Variants in MUC5B observed in about 807,000 individuals in gnomAD.
MUC5B encodes mucin 5B, oligomeric mucus/gel-forming, also known as mucin-5B.
Under a neutral mutation model 376.9 loss-of-function variants are expected in MUC5B, and 116 were observed. The observed-to-expected ratio is 0.31, with a 90% CI of 0.26 to 0.36. The LOEUF is 0.36. MUC5B is among the 10% of genes least tolerant of loss of function. The pLI is 1.00. For synonymous variants in MUC5B, 3,517 were observed against 3,390.9 expected, an observed-to-expected ratio of 1.04 and a Z score of -1.29; for missense variants, 7,165 against 7,769.9, an observed-to-expected ratio of 0.92 and a Z score of 2.93.
Position 1,239,017 on chromosome 11 carries a change from G to C in MUC5B, c.3444G>C (p.Pro1148=), listed in dbSNP as rs113413987. The change falls in exon 26 of 49, where the codon CCG becomes CCC. Residue 1148 remains proline, a synonymous_variant. Coordinates refer to ENST00000529681, the MANE Select transcript of MUC5B (RefSeq NM_002458.3). ...GCCTGTGTGTGTCCTGGCGGACTCC[G>C]GACACCTGCCGTGAGTCGGGCTCTG... The part of the protein sequence containing the change: ...DAGLCVSWRT[P]DTCPLFCDFY... 5.7e-4 allele frequency: 901 copies of C among 1,571,224 alleles called. 14 individuals carry two copies. In the South Asian group the frequency reaches 9.8e-3, roughly 17 times the overall value.
rs1862526180 is a variant in MUC5B, at chr11:1,247,508, C to T, written c.10628C>T (p.Ala3543Val). 3.1e-6 allele frequency: 5 copies of T among 1,608,820 alleles called. 1 individual carries two copies. The African/African-American group carries it at 5.4e-5, about 17-fold the overall frequency. The change falls in exon 31 of 49, where the codon GCC (alanine) becomes GTC (valine). Residue 3543 changes from alanine (A) to valine (V), a missense_variant. Coordinates refer to ENST00000529681, the MANE Select transcript of MUC5B (RefSeq NM_002458.3). ...GGCACCTCCAGGACCACAGCCACAG[C>T]CACACCCAGCAAGACCCGCACCTCG... The part of the protein sequence containing the change: ...TRGTSRTTAT[A>V]TPSKTRTSTL...
Position 1,242,219 on chromosome 11 carries a change from G to A in MUC5B, c.5339G>A (p.Gly1780Asp). 1 of 1,613,728 alleles carries A rather than the reference G, an allele frequency of 6.2e-7. No homozygotes were observed. The highest frequency in any genetic ancestry group is 8.5e-7 in the Non-Finnish European group (1 of 1,179,880). ...TTGACTAACACCACCACCAGCCAGGGCACGACCCGCTGTCAACCGAAGTGT... is the reference window on the plus strand; with the variant it reads ...TTGACTAACACCACCACCAGCCAGGACACGACCCGCTGTCAACCGAAGTGT... ...SPLTNTTTSQ[G>D]TTRCQPKCEW... is the part of the protein sequence containing the mutation. Residue 1780 changes from glycine to aspartate, a missense_variant, in exon 31 of 49, where the codon GGC becomes GAC. By Grantham distance (94) the Gly-to-Asp change is moderately conservative. This residue lies in a region of MUC5B where 897 missense variants were observed against 779.6 expected (regional missense o/e 1.15). Transcript: ENST00000529681.
chr11:1,232,287 G>C, intron 15 of MUC5B, 127 bp downstream of exon 15: 1 of 1,362,834 alleles, frequency 7.3e-7, no homozygotes, highest in Non-Finnish European at 1.0e-6. Context: ...GGAGGCATCA[G>C]GAGGAGGTGC....
At chr11:1,232,906 C>T in intron 17 of MUC5B, 107 bp from the exon 18 acceptor site, 1 of 1,461,858 alleles carries the variant, frequency 6.8e-7, no homozygotes, top group Non-Finnish European at 9.0e-7. Context: ...GCAAGAACCT[C>T]ATGCCCTTGC....
In MUC5B at chr11:1,229,693, C is replaced by T. The variant is rs554624154; in HGVS notation, c.1106C>T (p.Thr369Met). 21 of 1,571,468 alleles carry T rather than the reference C, an allele frequency of 1.3e-5. No individual in the cohort carries two copies. Among genetic ancestry groups the T allele is most frequent in the Non-Finnish European group, 1.5e-5 (18 of 1,163,990 alleles). ...CVDGCFCPPGTVLDDITHSGC... is the reference protein window; with the variant it reads ...CVDGCFCPPGMVLDDITHSGC... ...TGCCTCACGCCGCGCCCCACAGGCA[C>T]GGTGCTGGATGACATCACGCACTCT... The change falls in exon 10 of 49, where the codon ACG (threonine) becomes ATG (methionine). Residue 369 changes from threonine to methionine, a missense_variant. By Grantham distance (81) the Thr-to-Met change is moderately conservative (BLOSUM62 -1). This residue lies in a region of MUC5B where 640 missense variants were observed against 733.0 expected (regional missense o/e 0.87). Coordinates refer to ENST00000529681, the MANE Select transcript of MUC5B (RefSeq NM_002458.3).
rs776430553 is a variant in MUC5B at position 1,241,053 on chromosome 11, G to A, written c.4173G>A (p.Glu1391=). ...RAAQLPDMPL[E]ELGQQVDCDR... ...CGCAGCTTCCCGACATGCCGCTGGA[G>A]GAGCTGGGCCAGCAGGTGGACTGTG... The change falls in exon 31 of 49, where the codon GAG becomes GAA. Residue 1391 remains glutamate (E), a synonymous_variant. Coordinates refer to ENST00000529681, the MANE Select transcript of MUC5B (RefSeq NM_002458.3). The A allele has an allele frequency of 1.2e-6, 2 of 1,612,632 alleles. No individual in the cohort carries two copies. Among genetic ancestry groups the A allele is most frequent in the Admixed American group, 1.7e-5 (1 of 60,010 alleles).
chr11:1,235,634 C>T (rs1862140267), intron 23 of MUC5B, among the ~76,000 whole-genome samples: 2 of 152,306 alleles, frequency 1.3e-5, no homozygotes, highest in African/African-American at 4.8e-5. Flanking sequence ...GGCCACACTC[C>T]CTGTCGAGGG....
chr11:1,256,700 C>A lies in MUC5B; in HGVS notation c.16166C>A (p.Ala5389Glu), dbSNP rs182663240. 1 of 1,568,330 alleles carries A rather than the reference C, an allele frequency of 6.4e-7. No homozygotes were observed. The highest frequency in any genetic ancestry group is 8.6e-7 in the Non-Finnish European group (1 of 1,158,442). ...CAGAGCCCACAGCTGGAGGGGATGG[C>A]GGAGGGCTGCTTCTGCCCTGAGGAC... ...RNQSPQLEGM[A>E]EGCFCPEDQI... The change falls in exon 39 of 49, where the codon GCG becomes GAG. Residue 5389 changes from alanine to glutamate, a missense_variant. Coordinates refer to ENST00000529681, the MANE Select transcript of MUC5B (RefSeq NM_002458.3).
At chr11:1,239,627 G>C in intron 27 of MUC5B, 61 bp downstream of exon 27, 1 of 1,523,382 alleles carries the variant, frequency 6.6e-7, no homozygotes, top group Non-Finnish European at 8.8e-7. Flanking sequence ...TGTACGTGGG[G>C]GGGCGGGGAT....
At position 1,230,917 on chromosome 11, in the gene MUC5B, C is replaced by T. The variant is rs1459708124; in HGVS notation, c.1471-19C>T. On this transcript the variant is annotated intron_variant, in intron 12 of 48. Coordinates refer to ENST00000529681, the MANE Select transcript of MUC5B (RefSeq NM_002458.3). ...GGGTTCCTCCCCAGAGCTGACCTCC[C>T]GCCCGCCTCCTTCCGCAGGCCATCC... The T allele has an allele frequency of 9.5e-6, 15 of 1,573,474 alleles. No individual in the cohort carries two copies. The highest frequency in any genetic ancestry group is 3.5e-5 in the South Asian group (3 of 85,584).
chr11:1,260,660 G>A lies in MUC5B; in HGVS notation c.17001G>A (p.Leu5667=), dbSNP rs374862914. Residue 5667 remains leucine (L), a synonymous_variant, in exon 48 of 49, where the codon CTG becomes CTA. Transcript: ENST00000529681. ...AAGTCCGCATCAACACGACCATCCT[G>A]TGGCACCAGGGCTGCGAGACCGAGG... ...SCQVRINTTI[L]WHQGCETEVN... The A allele has an allele frequency of 2.1e-4, 339 of 1,612,678 alleles. 1 individual carries two copies. The Middle Eastern group carries it at 5.1e-3, about 24-fold the overall frequency.
Position 1,258,906 on chromosome 11 carries a change from C to T in MUC5B, c.16594-36C>T. The T allele has an allele frequency of 2.6e-6, 4 of 1,549,112 alleles. No individual in the cohort carries two copies. In the South Asian group the frequency reaches 3.6e-5, roughly 14 times the overall value. On this transcript the variant is annotated intron_variant, in intron 43 of 48. Coordinates refer to ENST00000529681, the MANE Select transcript of MUC5B (RefSeq NM_002458.3). This position sits in a 1 kb window ranked among gnomAD's most constrained non-coding sequence, Gnocchi z 5.5. ...GAGGGGTCCTGGCCCTGTTGCCCCA[C>T]CAGTGCCCTCAGTGCCACCCTCCCA... is the stretch of plus-strand genomic sequence containing the variant.
rs763834448 is a variant in MUC5B, at chr11:1,249,475, C to T, written c.12595C>T (p.Leu4199=). ...QVVECSLDFG[L]VCRNREQVGK... is the part of the protein sequence containing the mutation. Reference sequence around the variant, plus strand: ...CGTGGAATGCAGCCTGGACTTTGGCCTGGTCTGCAGGAACCGTGAGCAGGT... The same window carrying T: ...CGTGGAATGCAGCCTGGACTTTGGCTTGGTCTGCAGGAACCGTGAGCAGGT... The change falls in exon 31 of 49, where the codon CTG becomes TTG. Residue 4199 remains leucine, a synonymous_variant. Coordinates refer to ENST00000529681, the MANE Select transcript of MUC5B (RefSeq NM_002458.3). The T allele has an allele frequency of 5.0e-6, 8 of 1,611,480 alleles. No individual in the cohort carries two copies. Among genetic ancestry groups the T allele is most frequent in the Non-Finnish European group, 6.8e-6 (8 of 1,179,652 alleles).
In MUC5B at chr11:1,258,917, A is replaced by G. The variant is rs1270847268; in HGVS notation, c.16594-25A>G. 6.5e-7 allele frequency: 1 copy of G among 1,549,758 alleles called. No individual in the cohort carries two copies. Among genetic ancestry groups the G allele is most frequent in the Non-Finnish European group, 8.7e-7 (1 of 1,146,852 alleles). ...GCCCTGTTGCCCCACCAGTGCCCTC[A>G]GTGCCACCCTCCCACCCCTTGCAGG... On this transcript the variant is annotated intron_variant, in intron 43 of 48. Transcript: ENST00000529681. This position sits in a 1 kb window ranked among gnomAD's most constrained non-coding sequence, Gnocchi z 5.5.
Position 1,247,125 on chromosome 11 carries a change from C to T in MUC5B, c.10245C>T (p.Ile3415=), listed in dbSNP as rs779255372. Residue 3415 remains isoleucine (I), a synonymous_variant, in exon 31 of 49, where the codon ATC becomes ATT. Transcript: ENST00000529681. ...NPSSTPGTTP[I]PPVLTTTATT... ...CCTCAACTCCAGGGACAACTCCCATCCCCCCAGTGCTGACCACCACCGCCA... is the reference window on the plus strand; with the variant it reads ...CCTCAACTCCAGGGACAACTCCCATTCCCCCAGTGCTGACCACCACCGCCA... 4 of 1,568,606 alleles carry T rather than the reference C, an allele frequency of 2.6e-6. No homozygotes were observed. The highest frequency in any genetic ancestry group is 2.4e-5 in the East Asian group (1 of 41,402).
In MUC5B at chr11:1,240,263, C is replaced by A. The variant is rs746763112; in HGVS notation, c.3858C>A (p.Ile1286=). ...NTTDGLGACL[I]AICGSNGTII... ...CCGATGGGCTTGGCGCCTGCTTGATCGCCATCTGCGGAAGCAACGGCACCA... is the reference window on the plus strand; with the variant it reads ...CCGATGGGCTTGGCGCCTGCTTGATAGCCATCTGCGGAAGCAACGGCACCA... Residue 1286 remains isoleucine, a synonymous_variant, in exon 30 of 49, where the codon ATC becomes ATA. Coordinates refer to ENST00000529681, the MANE Select transcript of MUC5B (RefSeq NM_002458.3). The A allele has an allele frequency of 1.2e-6, 2 of 1,613,564 alleles. No homozygotes were observed. Among genetic ancestry groups the A allele is most frequent in the African/African-American group, 2.7e-5 (2 of 74,926 alleles).
At position 1,247,496 on chromosome 11, in the gene MUC5B, C is replaced by G; in HGVS notation, c.10616C>G (p.Thr3539Ser). The G allele has an allele frequency of 6.2e-7, 1 of 1,608,356 alleles. No individual in the cohort carries two copies. The highest frequency in any genetic ancestry group is 8.5e-7 in the Non-Finnish European group (1 of 1,177,702). ...TPGHTRGTSR[T>S]TATATPSKTR... is the part of the protein sequence containing the mutation. ...GGCCACACCAGGGGCACCTCCAGGA[C>G]CACAGCCACAGCCACACCCAGCAAG... The change falls in exon 31 of 49, where the codon ACC (threonine) becomes AGC (serine). Residue 3539 changes from threonine (T) to serine (S), a missense_variant. Transcript: ENST00000529681.
chr11:1,254,606 C>A (rs1590191121), intron 34 of MUC5B, 88 bp from the exon 35 acceptor site: 2 of 1,371,186 alleles, frequency 1.5e-6, no homozygotes, highest in African/African-American at 1.4e-5. Flanking sequence ...GGTCTCTGCA[C>A]ATGGAGGCAG....
intron 1 of MUC5B, among the ~76,000 whole-genome samples, 184 bp from the exon 2 acceptor site, chr11:1,225,497 G>T (rs1243188934): frequency 6.6e-6 from 1 of 152,360 alleles, no homozygotes; most frequent in Admixed American, 6.5e-5. Context: ...TGGCCTGAGC[G>T]GCTGGGGAGG....
Sources: allele counts gnomAD v4.1 joint callset (sites outside exome capture counted in the v4.1 genomes callset), GRCh38; gene constraint gnomAD v4.1.1; regional missense constraint gnomAD v4.1.1; non-coding constraint Gnocchi (gnomAD v3.1); transcripts MANE v1.5; gene names NCBI Gene and HGNC (gene_info 2026-07-23, HGNC 2026-07-21).